The following ZNF462 variants were observed in gnomAD, a reference collection of about 807,000 sequenced individuals.
The protein encoded by ZNF462 is zinc finger protein 462.
ZNF462 carries 10 observed loss-of-function variants against 201.9 expected under a neutral mutation model. The observed-to-expected ratio is 0.05, with a 90% CI of 0.03 to 0.08. The LOEUF is 0.08. ZNF462 is among the 10% of genes least tolerant of loss of function. The pLI is 1.00. For synonymous variants in ZNF462, 1,227 were observed against 1,193.3 expected, an observed-to-expected ratio of 1.03 and a Z score of -0.58; for missense variants, 2,523 against 3,168.3, an observed-to-expected ratio of 0.80 and a Z score of 4.89.
rs1829912878 is a variant in ZNF462 at position 106,919,715 on chromosome 9, AG to A, written c.-30-3637del. Reference sequence around the variant, plus strand: ...TAGGATGGTTTAGGGGTTTCATGTTAGGAGGACCAGTCACATTAGGTGCCAG... The same window carrying A: ...TAGGATGGTTTAGGGGTTTCATGTTAGAGGACCAGTCACATTAGGTGCCAG... On this transcript the variant is annotated intron_variant, in intron 1 of 12. Coordinates refer to ENST00000277225, the MANE Select transcript of ZNF462 (RefSeq NM_021224.6). The surrounding 1 kb of genome is among the most constrained non-coding windows in gnomAD (Gnocchi z 4.5). Among the ~76,000 whole-genome samples, 2 of 152,336 alleles carry A rather than the reference AG, an allele frequency of 1.3e-5. No individual in the cohort carries two copies. Among genetic ancestry groups the A allele is most frequent in the Admixed American group, 1.3e-4 (2 of 15,300 alleles).
intron 9 of ZNF462, among the ~76,000 whole-genome samples, chr9:106,983,173 T>C (rs1827575405): frequency 1.3e-5 from 2 of 152,196 alleles, no homozygotes; most frequent in African/African-American, 2.4e-5. Flanking sequence ...TGGTGTGAAA[T>C]TTAATTTGAG....
chr9:106,874,753 T>C (rs902846799), intron 1 of ZNF462, among the ~76,000 whole-genome samples: 5 of 152,206 alleles, frequency 3.3e-5, no homozygotes, highest in Non-Finnish European at 7.3e-5. Flanking sequence ...TTAGCAATTT[T>C]GCAGGCCTGA....
chr9:106,931,803 C>T (rs1279233836), intron 4 of ZNF462, among the ~76,000 whole-genome samples: 2 of 152,300 alleles, frequency 1.3e-5, no homozygotes, highest in South Asian at 2.1e-4. Context: ...GGGCAGACAG[C>T]GGGATCTTTT....
At chr9:106,896,977 A>G (rs1828840361) in intron 1 of ZNF462, among the ~76,000 whole-genome samples, 1 of 152,184 alleles carries the variant, frequency 6.6e-6, no homozygotes, top group Admixed American at 6.5e-5. Flanking sequence ...TTGGCCAACC[A>G]TTCATGAACC....
chr9:106,927,638 G>A lies in ZNF462; in HGVS notation c.3726G>A (p.Lys1242=). 6.2e-7 allele frequency: 1 copy of A among 1,614,006 alleles called. No individual in the cohort carries two copies. The highest frequency in any genetic ancestry group is 2.2e-5 in the East Asian group (1 of 44,856). The change falls in exon 3 of 13, where the codon AAG becomes AAA. Residue 1242 remains lysine, a synonymous_variant. Coordinates refer to ENST00000277225, the MANE Select transcript of ZNF462 (RefSeq NM_021224.6). ...TIRSLCDRNQ[K]KPASCVLVSP... ...GAAGCCTCTGCGACCGAAATCAGAA[G>A]AAGCCTGCCAGCTGCGTGCTTGTCT... is the stretch of plus-strand genomic sequence containing the variant.
At chr9:106,901,698 T>A (rs1014193324) in intron 1 of ZNF462, among the ~76,000 whole-genome samples, 15 of 152,074 alleles carry the variant, frequency 9.9e-5, no homozygotes, top group Admixed American at 8.5e-4. Context: ...AGGGGTTGAG[T>A]TCTTGATTTG....
intron 7 of ZNF462, 82 bp from the exon 8 acceptor site, chr9:106,971,923 A>T (rs1826638522): frequency 6.6e-6 from 10 of 1,510,116 alleles, no homozygotes; most frequent in Non-Finnish European, 1.8e-6. Context: ...GGGTAAAAAG[A>T]AACCTGATGT....
Position 106,923,676 on chromosome 9 carries a change from G to T in ZNF462, c.220+73G>T, listed in dbSNP as rs1231052190. The T allele has an allele frequency of 1.3e-5, 20 of 1,504,016 alleles. No homozygotes were observed. The highest frequency in any genetic ancestry group is 1.7e-5 in the Non-Finnish European group (19 of 1,090,284). 93.2% of individuals were successfully genotyped at this position (1,504,016 alleles called of 1,614,324 possible). A position where few individuals can be genotyped will look rare whatever the true frequency, so the allele number is the denominator to read the frequency against. ...TGTTTCCTTTTAGCCTGTAGCCATG[G>T]TTCTTAATATACGTGGCTTTTGCAG... On this transcript the variant is annotated intron_variant, in intron 2 of 12. Transcript: ENST00000277225. This position sits in a 1 kb window ranked among gnomAD's most constrained non-coding sequence, Gnocchi z 5.6.
At chr9:106,893,812 G>A (rs988774177) in intron 1 of ZNF462, among the ~76,000 whole-genome samples, 1 of 152,162 alleles carries the variant, frequency 6.6e-6, no homozygotes, top group Admixed American at 6.5e-5. Flanking sequence ...CTTTAGACAG[G>A]TTAAGTAACT....
At position 106,954,979 on chromosome 9, in the gene ZNF462, T is replaced by C. The variant is rs932098514; in HGVS notation, c.6427+15872T>C. 2.0e-5 allele frequency among the ~76,000 whole-genome samples: 3 copies of C among 152,142 alleles called. No individual in the cohort carries two copies. The highest frequency in any genetic ancestry group is 7.2e-5 in the African/African-American group (3 of 41,444). On this transcript the variant is annotated intron_variant, in intron 7 of 12. Transcript: ENST00000277225. This position sits in a 1 kb window ranked among gnomAD's most constrained non-coding sequence, Gnocchi z 4.0. ...ATTTGTTGTGTCCTGTAAATAGTCA[T>C]GGTAGTAAAGTAGTAAATCAAGATT...
chr9:106,942,714 G>A (rs914850746), intron 7 of ZNF462, among the ~76,000 whole-genome samples: 2 of 152,062 alleles, frequency 1.3e-5, no homozygotes, highest in African/African-American at 4.8e-5. Flanking sequence ...ACACATATAG[G>A]CACAGCTGTA....
Position 106,927,726 on chromosome 9 carries a change from T to C in ZNF462, c.3814T>C (p.Tyr1272His), listed in dbSNP as rs1185905084. 3 of 1,614,108 alleles carry C rather than the reference T, an allele frequency of 1.9e-6. No individual in the cohort carries two copies. The highest frequency in any genetic ancestry group is 2.5e-6 in the Non-Finnish European group (3 of 1,180,018). The change falls in exon 3 of 13, where the codon TAT becomes CAT. Residue 1272 changes from tyrosine to histidine, a missense_variant. Transcript: ENST00000277225. ...LRALKCRQCS[Y>H]TSPYFYALRK... The stretch of plus-strand genomic sequence containing the variant: ...AGCACTCAAATGTAGGCAGTGCTCA[T>C]ATACCTCCCCCTACTTCTATGCACT...
chr9:107,008,474 G>T lies in ZNF462; in HGVS notation c.7190-1071G>T, dbSNP rs12343909. 6.6e-6 allele frequency among the ~76,000 whole-genome samples: 1 copy of T among 152,028 alleles called. No homozygotes were observed. The highest frequency in any genetic ancestry group is 2.4e-5 in the African/African-American group (1 of 41,372). ...CAACCAGGAGGCATCTTCCTGTAAT[G>T]TCTTGTATGTGTGGACCAGAGTGAT... On this transcript the variant is annotated intron_variant, in intron 11 of 12. Coordinates refer to ENST00000277225, the MANE Select transcript of ZNF462 (RefSeq NM_021224.6). The surrounding 1 kb of genome is among the most constrained non-coding windows in gnomAD (Gnocchi z 4.8).
chr9:106,974,387 A>G lies in ZNF462; in HGVS notation c.6832+114A>G, dbSNP rs770538221. 1.3e-6 allele frequency: 2 copies of G among 1,503,254 alleles called. No homozygotes were observed. Among genetic ancestry groups the G allele is most frequent in the Non-Finnish European group, 1.9e-6 (2 of 1,080,610 alleles). 93.1% of individuals were successfully genotyped at this position (1,503,254 alleles called of 1,614,324 possible). A position where few individuals can be genotyped will look rare whatever the true frequency, so the allele number is the denominator to read the frequency against. ...GCACCTGTGCCTTGTTCCTCACCTT[A>G]TCTTCAGGCAAGAAACCACAGTGAT... On this transcript the variant is annotated intron_variant, in intron 9 of 12. Transcript: ENST00000277225. This position sits in a 1 kb window ranked among gnomAD's most constrained non-coding sequence, Gnocchi z 4.0.
rs1321642041 is a variant in ZNF462, at chr9:106,923,257, C to A, written c.-30-97C>A. The A allele has an allele frequency of 5.8e-6, 5 of 857,468 alleles. No homozygotes were observed. The highest frequency in any genetic ancestry group is 9.3e-6 in the Non-Finnish European group (5 of 538,790). The allele number at this position is 857,468 out of a possible 1,614,324, so 53.1% of individuals were successfully genotyped here. On this transcript the variant is annotated intron_variant, in intron 1 of 12. Transcript: ENST00000277225. This position sits in a 1 kb window ranked among gnomAD's most constrained non-coding sequence, Gnocchi z 5.6. Reference sequence around the variant, plus strand: ...GTCCAATAAGAGAAATCTACTGATACTGGAATTTTTTCCCATTAATGGATA... The same window carrying A: ...GTCCAATAAGAGAAATCTACTGATAATGGAATTTTTTCCCATTAATGGATA...
intron 9 of ZNF462, among the ~76,000 whole-genome samples, chr9:106,982,041 C>A (rs1827474226): frequency 6.6e-6 from 1 of 152,160 alleles, no homozygotes; most frequent in South Asian, 2.1e-4. Flanking sequence ...TCAACACTTC[C>A]CATGAACTCC....
chr9:106,983,849 T>C (rs1314042008), intron 9 of ZNF462, among the ~76,000 whole-genome samples: 1 of 152,164 alleles, frequency 6.6e-6, no homozygotes, highest in Non-Finnish European at 1.5e-5. Flanking sequence ...ATCATTAATG[T>C]TGGTAAAAAT....
In ZNF462 at chr9:107,009,464, A is replaced by G; in HGVS notation, c.7190-81A>G. 1 of 1,565,406 alleles carries G rather than the reference A, an allele frequency of 6.4e-7. No homozygotes were observed. The highest frequency in any genetic ancestry group is 8.7e-7 in the Non-Finnish European group (1 of 1,146,096). On this transcript the variant is annotated intron_variant, in intron 11 of 12. Transcript: ENST00000277225. This position sits in a 1 kb window ranked among gnomAD's most constrained non-coding sequence, Gnocchi z 6.1. ...GGCTTTATCAGTGAAGGTAGGAGAG[A>G]GGGTATCCTAATGAATGCTGACTTA...
intron 7 of ZNF462, among the ~76,000 whole-genome samples, chr9:106,956,773 CT>C (rs1831593792): frequency 6.6e-6 from 1 of 152,190 alleles, no homozygotes; most frequent in African/African-American, 2.4e-5. Context: ...TTGAAGACAG[CT>C]TCTTTTCTGA....
Sources: gnomAD v4.1 joint callset for allele counts (sites outside exome capture counted in the v4.1 genomes callset) on GRCh38, gnomAD v4.1.1 for gene constraint, Gnocchi (gnomAD v3.1) non-coding constraint, MANE v1.5 for transcripts, NCBI Gene and HGNC (gene_info 2026-07-23, HGNC 2026-07-21) for gene names.